Variants in EPN2 observed in about 807,000 individuals in gnomAD.
EPN2 encodes the protein epsin-2.
In EPN2, 34 loss-of-function variants were observed where a neutral mutation model predicts 61.7. The ratio of observed to expected loss-of-function variants is 0.55; its 90% CI spans 0.42 to 0.73. The LOEUF is 0.73. EPN2 is among the 30% of genes least tolerant of loss of function. The pLI is 0.00. For missense variants in EPN2, 714 were observed against 839.2 expected (o/e 0.85, Z 1.84); for synonymous variants, 349 against 353.6 (o/e 0.99, Z 0.15).
chr17:19,258,396 T>C (rs1245074503), intron 1 of EPN2, among the ~76,000 whole-genome samples: 3 of 152,196 alleles, frequency 2.0e-5, no homozygotes, highest in African/African-American at 7.2e-5. Flanking sequence ...TGATTCTGTC[T>C]TTTAAGACTC....
intron 1 of EPN2, among the ~76,000 whole-genome samples, chr17:19,238,641 T>A (rs544449852): frequency 6.6e-5 from 10 of 152,340 alleles, no homozygotes; most frequent in Admixed American, 5.2e-4. Context: ...GCAGTGATAC[T>A]GTGTCAGTGC....
At chr17:19,299,971 G>A (rs994523145) in intron 4 of EPN2, among the ~76,000 whole-genome samples, 7 of 152,244 alleles carry the variant, frequency 4.6e-5, no homozygotes, top group African/African-American at 1.7e-4. Flanking sequence ...CTTTGTGCCA[G>A]AAGTAAAGCT....
intron 1 of EPN2, among the ~76,000 whole-genome samples, chr17:19,270,753 C>T (rs1430342125): frequency 6.6e-6 from 1 of 152,168 alleles, no homozygotes; most frequent in Admixed American, 6.5e-5. Flanking sequence ...ATATTTCAGC[C>T]CTAGGCTGCT....
chr17:19,287,796 C>G (rs975407561), intron 4 of EPN2, among the ~76,000 whole-genome samples: 4 of 152,152 alleles, frequency 2.6e-5, no homozygotes, highest in Non-Finnish European at 5.9e-5. Flanking sequence ...CCGGGAAGGC[C>G]TCTTGTGTGA....
At chr17:19,315,868 C>T (rs1256501834) in intron 7 of EPN2, among the ~76,000 whole-genome samples, 1 of 152,190 alleles carries the variant, frequency 6.6e-6, no homozygotes, top group Non-Finnish European at 1.5e-5. Flanking sequence ...TATCTAATTC[C>T]AGAACATTTC....
At chr17:19,266,510 C>A (rs1234953138) in intron 1 of EPN2, among the ~76,000 whole-genome samples, 2 of 151,788 alleles carry the variant, frequency 1.3e-5, no homozygotes, top group African/African-American at 4.8e-5. Flanking sequence ...TCGTGCCATT[C>A]TCCTGCCTCA....
At chr17:19,312,530 T>C (rs531372575) in intron 6 of EPN2, among the ~76,000 whole-genome samples, 2 of 152,298 alleles carry the variant, frequency 1.3e-5, no homozygotes, top group Admixed American at 1.3e-4. Context: ...CCTGCTGTGA[T>C]GTAGAGATGA....
At chr17:19,304,622 G>C (rs938567074) in intron 4 of EPN2, among the ~76,000 whole-genome samples, 1 of 152,228 alleles carries the variant, frequency 6.6e-6, no homozygotes, top group Non-Finnish European at 1.5e-5. Context: ...GGAATCCACA[G>C]GGAAGAGCCA....
chr17:19,280,956 A>G (rs2045353464), intron 1 of EPN2, among the ~76,000 whole-genome samples: 1 of 152,190 alleles, frequency 6.6e-6, no homozygotes, highest in South Asian at 2.1e-4. Context: ...TGGCTCACAT[A>G]ACTCAGCGAA....
chr17:19,320,998 G>T (rs1906612782), intron 7 of EPN2, among the ~76,000 whole-genome samples: 1 of 152,228 alleles, frequency 6.6e-6, no homozygotes, highest in Admixed American at 6.5e-5. Context: ...CCCAGCCGAT[G>T]TTCTCATGGA....
chr17:19,312,042 C>T lies in EPN2; in HGVS notation c.880-10C>T. On this transcript the variant is annotated splice_polypyrimidine_tract_variant and intron_variant, in intron 5 of 10. Coordinates refer to ENST00000314728, the MANE Select transcript of EPN2 (RefSeq NM_014964.5). Reference sequence around the variant, plus strand: ...TATTACAATTACCAGTTTGCATTGTCCCTCTACAGGAAGAACGCCTCAGGC... The same window carrying T: ...TATTACAATTACCAGTTTGCATTGTTCCTCTACAGGAAGAACGCCTCAGGC... The T allele has an allele frequency of 6.3e-7, 1 of 1,597,116 alleles. No homozygotes were observed. The highest frequency in any genetic ancestry group is 1.1e-5 in the South Asian group (1 of 90,730).
chr17:19,312,573 C>G (rs1906196024), intron 6 of EPN2, among the ~76,000 whole-genome samples: 1 of 152,216 alleles, frequency 6.6e-6, no homozygotes, highest in East Asian at 1.9e-4. Context: ...ACAAGCTCAT[C>G]ATCATCCAGT....
chr17:19,329,723 G>T, intron 9 of EPN2, 76 bp downstream of exon 9: 1 of 905,666 alleles, frequency 1.1e-6, no homozygotes, highest in Non-Finnish European at 1.8e-6. Flanking sequence ...ATAATAATCA[G>T]CTTTCAAAAC....
intron 1 of EPN2, among the ~76,000 whole-genome samples, chr17:19,272,504 T>C (rs2045264903): frequency 1.3e-5 from 2 of 152,074 alleles, no homozygotes; most frequent in Non-Finnish European, 2.9e-5. Flanking sequence ...ATGGGGGCCT[T>C]TGGGACTGAA....
rs2045364121 is a variant in EPN2, at chr17:19,282,061, G to C, written c.-187G>C. The C allele has an allele frequency of 6.6e-6, 1 of 152,216 alleles. No homozygotes were observed. The highest frequency in any genetic ancestry group is 2.1e-4 in the South Asian group (1 of 4,826). The allele number at this position is 152,216 out of a possible 1,614,324, so 9.4% of individuals were successfully genotyped here. On this transcript the variant is annotated 5_prime_UTR_variant, in exon 2 of 11. Transcript: ENST00000314728. ...ACAGGAGCCTCATATCAGAGACGTGGACCTCACTGTAGCCTGGTAAGTGAG... is the reference window on the plus strand; with the variant it reads ...ACAGGAGCCTCATATCAGAGACGTGCACCTCACTGTAGCCTGGTAAGTGAG...
intron 5 of EPN2, 45 bp downstream of exon 5, chr17:19,310,042 C>A: frequency 7.2e-7 from 1 of 1,387,018 alleles, no homozygotes; most frequent in Non-Finnish European, 1.0e-6. Context: ...TGCCCATGCT[C>A]AGGGTGGAGT....
chr17:19,274,998 G>A (rs1389158642), intron 1 of EPN2, among the ~76,000 whole-genome samples: 1 of 152,128 alleles, frequency 6.6e-6, no homozygotes, highest in Admixed American at 6.5e-5. Context: ...GCATGTATGG[G>A]GATCTAGCTG....
intron 1 of EPN2, among the ~76,000 whole-genome samples, chr17:19,258,647 C>T (rs928200161): frequency 1.3e-5 from 2 of 152,200 alleles, no homozygotes; most frequent in South Asian, 4.1e-4. Flanking sequence ...TGTGATTTAA[C>T]CTAGAGAGCT....
At chr17:19,253,386 A>G (rs959372481) in intron 1 of EPN2, among the ~76,000 whole-genome samples, 5 of 147,098 alleles carry the variant, frequency 3.4e-5, no homozygotes, top group African/African-American at 1.3e-4. Context: ...GGTTGTTTCC[A>G]CATTTGGCTA....
Sources: gnomAD v4.1 joint callset for allele counts (sites outside exome capture counted in the v4.1 genomes callset) on GRCh38, gnomAD v4.1.1 for gene constraint, MANE v1.5 for transcripts, NCBI Gene and HGNC (gene_info 2026-07-23, HGNC 2026-07-21) for gene names.